NRG3: variants seen among roughly 807,000 people sequenced by gnomAD.
NRG3 encodes the protein neuregulin 3.
A neutral mutation model predicts 66.9 loss-of-function variants in NRG3; 31 were observed. The ratio of observed to expected loss-of-function variants is 0.46; its 90% confidence interval spans 0.35 to 0.63. The LOEUF (loss-of-function observed/expected upper bound fraction) is 0.63. NRG3 is among the 20% of genes least tolerant of loss of function. NRG3 has a pLI of 0.00. For synonymous variants in NRG3, 393 were observed against 359.4 expected (o/e 1.09, Z -1.06); for missense variants, 910 against 878.9 (o/e 1.04, Z -0.45).
intron 1 of NRG3, among the ~76,000 whole-genome samples, chr10:82,223,470 C>G (rs1432033464): frequency 1.3e-5 from 2 of 152,122 alleles, no homozygotes; most frequent in African/African-American, 4.8e-5. Context: ...TAACTCACTT[C>G]TGCTTCACCT....
intron 1 of NRG3, among the ~76,000 whole-genome samples, chr10:82,346,790 T>C (rs1036856603): frequency 3.9e-4 from 59 of 152,256 alleles, no homozygotes; most frequent in African/African-American, 1.3e-3. Flanking sequence ...TGGTTTAGTC[T>C]TGGGAGAGTG....
intron 1 of NRG3, among the ~76,000 whole-genome samples, chr10:82,135,719 G>C (rs1035800787): frequency 1.3e-5 from 2 of 152,036 alleles, no homozygotes; most frequent in Non-Finnish European, 2.9e-5. Flanking sequence ...AAATTTATCT[G>C]ATAGGATTCT....
intron 1 of NRG3, among the ~76,000 whole-genome samples, chr10:82,097,416 A>ATG (rs2066416906): frequency 1.2e-5 from 1 of 80,226 alleles, no homozygotes; most frequent in Non-Finnish European, 2.4e-5. Flanking sequence ...ACATATATAT[A>ATG]TATCTGTAAT....
intron 1 of NRG3, among the ~76,000 whole-genome samples, chr10:82,298,238 GA>G (rs1156981045): frequency 1.0e-4 from 15 of 148,044 alleles, no homozygotes; most frequent in African/African-American, 3.8e-4. Flanking sequence ...AGGGAGGGAG[GA>G]AGGAAGAGAT....
At chr10:82,648,486 C>T (rs993797444) in intron 2 of NRG3, among the ~76,000 whole-genome samples, 3 of 152,106 alleles carry the variant, frequency 2.0e-5, no homozygotes, top group East Asian at 1.9e-4. Flanking sequence ...CTTGGTGTTG[C>T]GGGCTCTTTT....
chr10:81,920,267 TAAAGTC>T (rs1039620651), intron 1 of NRG3, among the ~76,000 whole-genome samples: 1 of 152,162 alleles, frequency 6.6e-6, no homozygotes, highest in African/African-American at 2.4e-5. Context: ...CAGGAAATCT[TAAAGTC>T]AATGCTCCTC....
intron 1 of NRG3, among the ~76,000 whole-genome samples, chr10:82,033,596 C>T (rs766905063): frequency 1.3e-5 from 2 of 152,042 alleles, no homozygotes; most frequent in East Asian, 1.9e-4. Context: ...GTGTTAGACA[C>T]CTAGACAAAA....
At chr10:82,401,765 G>C (rs2087122840) in intron 2 of NRG3, among the ~76,000 whole-genome samples, 1 of 151,926 alleles carries the variant, frequency 6.6e-6, no homozygotes, top group Admixed American at 6.6e-5. Flanking sequence ...GAATTAAATT[G>C]CTTTTGATAT....
intron 1 of NRG3, among the ~76,000 whole-genome samples, chr10:82,029,076 G>A (rs931232522): frequency 1.3e-5 from 2 of 152,042 alleles, no homozygotes; most frequent in South Asian, 2.1e-4. Flanking sequence ...AGGCATGGTC[G>A]TGGGCGCTTG....
intron 3 of NRG3, among the ~76,000 whole-genome samples, chr10:82,821,729 T>C (rs342389): frequency 0.74 from 112,354 of 152,090 alleles, 42,061 homozygotes; most frequent in African/African-American, 0.86. Context: ...AGCTTCCAGG[T>C]AAGTCACTTA....
intron 2 of NRG3, among the ~76,000 whole-genome samples, chr10:82,684,984 T>C (rs1332281896): frequency 6.6e-6 from 1 of 152,120 alleles, no homozygotes; most frequent in African/African-American, 2.4e-5. Flanking sequence ...AAAATCTTGA[T>C]AGCAATGGGT....
intron 1 of NRG3, among the ~76,000 whole-genome samples, chr10:82,199,889 C>CGTGTGT (rs71007301): frequency 2.2e-4 from 31 of 142,780 alleles, no homozygotes; most frequent in East Asian, 1.8e-3. Flanking sequence ...TGTGTGTGTG[C>CGTGTGT]GTGTGTGTGT....
At chr10:82,317,135 T>C (rs528298029) in intron 1 of NRG3, among the ~76,000 whole-genome samples, 2 of 152,204 alleles carry the variant, frequency 1.3e-5, no homozygotes, top group Admixed American at 6.5e-5. Context: ...GCCTGTAGAA[T>C]GTGTAATCCC....
At chr10:82,708,692 A>C (rs970446785) in intron 2 of NRG3, among the ~76,000 whole-genome samples, 4 of 152,206 alleles carry the variant, frequency 2.6e-5, no homozygotes, top group Non-Finnish European at 5.9e-5. Context: ...TTCATAAGAC[A>C]AGAAAGTTGC....
intron 2 of NRG3, among the ~76,000 whole-genome samples, chr10:82,693,726 G>A (rs1244337895): frequency 6.6e-6 from 1 of 152,130 alleles, no homozygotes; most frequent in Non-Finnish European, 1.5e-5. Context: ...TGCATCCGGA[G>A]TTTGTTCCTT....
intron 7 of NRG3, among the ~76,000 whole-genome samples, chr10:82,978,066 A>G (rs4362084): frequency 0.93 from 141,248 of 152,178 alleles, 65,578 homozygotes; most frequent in Middle Eastern, 0.98. Flanking sequence ...CAGTGTGACC[A>G]CATAAACTAG....
At chr10:81,901,212 G>T (rs1345583408) in intron 1 of NRG3, among the ~76,000 whole-genome samples, 1 of 152,198 alleles carries the variant, frequency 6.6e-6, no homozygotes, top group Non-Finnish European at 1.5e-5. Context: ...GTCAAGGCTA[G>T]GGCTGAGAGG....
chr10:82,955,595 GA>G (rs2132406317), intron 5 of NRG3, among the ~76,000 whole-genome samples: 1 of 151,938 alleles, frequency 6.6e-6, no homozygotes, highest in South Asian at 2.1e-4. Flanking sequence ...GGCAGAATCT[GA>G]AACAGGTAAT....
chr10:82,094,392 G>A (rs1590084269), intron 1 of NRG3, among the ~76,000 whole-genome samples: 1 of 152,226 alleles, frequency 6.6e-6, no homozygotes, highest in Middle Eastern at 3.4e-3. Flanking sequence ...CACTGTTGCT[G>A]GAAATGTAAA....
Sources: gnomAD v4.1 joint callset for allele counts (sites outside exome capture counted in the v4.1 genomes callset) on GRCh38, gnomAD v4.1.1 for gene constraint, MANE v1.5 for transcripts, NCBI Gene and HGNC (gene_info 2026-07-23, HGNC 2026-07-21) for gene names.